VCP: variants seen among roughly 807,000 people sequenced by gnomAD.
VCP encodes transitional endoplasmic reticulum ATPase.
VCP carries 6 observed loss-of-function variants against 85.7 expected under a neutral mutation model. The observed-to-expected ratio is 0.07, with a 90% CI of 0.04 to 0.14. The LOEUF is 0.14. Ranked by LOEUF, VCP falls within the 10% of genes least tolerant of loss-of-function variation. The pLI is 1.00. For synonymous variants in VCP, 384 were observed against 367.1 expected (o/e 1.05, Z -0.53); for missense variants, 353 against 1,043.4 (o/e 0.34, Z 9.12).
chr9:35,069,424 A>T (rs936818703), intron 1 of VCP, among the ~76,000 whole-genome samples: 4 of 144,566 alleles, frequency 2.8e-5, no homozygotes, highest in Non-Finnish European at 4.5e-5. Context: ...CACTTACTAG[A>T]CTCAGCAAGC....
rs1587126066 is a variant in VCP, at chr9:35,064,300, G to A, written c.577-15C>T. On this transcript the variant is annotated splice_polypyrimidine_tract_variant and intron_variant, in intron 5 of 16. Coordinates refer to ENST00000358901, the MANE Select transcript of VCP (RefSeq NM_007126.5). The stretch of plus-strand genomic sequence containing the variant: ...TCTTCCTCATCCTGAATATGGAGGA[G>A]ATAAAGAAAGGAGAAGGCAAGAATA... 1.2e-6 allele frequency: 2 copies of A among 1,613,688 alleles called. No individual in the cohort carries two copies. Among genetic ancestry groups the A allele is most frequent in the Non-Finnish European group, 1.7e-6 (2 of 1,179,962 alleles).
chr9:35,057,863 T>G (rs1828641701), intron 15 of VCP: 1 of 407,216 alleles, frequency 2.5e-6, no homozygotes, highest in African/African-American at 2.0e-5. Context: ...CACACACTTG[T>G]CATAAAGCAT....
At chr9:35,071,502 A>C (rs1001123172) in intron 1 of VCP, among the ~76,000 whole-genome samples, 2 of 152,068 alleles carry the variant, frequency 1.3e-5, no homozygotes, top group Admixed American at 6.5e-5. Flanking sequence ...TGCAACTCTA[A>C]ACTGCACACC....
At chr9:35,065,131 G>A (rs1475734150) in intron 5 of VCP, 120 bp downstream of exon 5, 3 of 1,447,358 alleles carry the variant, frequency 2.1e-6, no homozygotes, top group Non-Finnish European at 2.9e-6. Context: ...GTCTCCCAAA[G>A]TACTGGGATT....
At chr9:35,063,163 A>G in intron 6 of VCP, 83 bp from the exon 7 acceptor site, 1 of 1,232,732 alleles carries the variant, frequency 8.1e-7, no homozygotes, top group Non-Finnish European at 1.2e-6. Context: ...AGAGAGGGTG[A>G]GAATCAGGCT....
In VCP at chr9:35,057,373, T is replaced by C. The variant is rs750659100; in HGVS notation, c.2315+3A>G. 6.2e-7 allele frequency: 1 copy of C among 1,614,102 alleles called. No individual in the cohort carries two copies. Among genetic ancestry groups the C allele is most frequent in the Non-Finnish European group, 8.5e-7 (1 of 1,180,050 alleles). ...CACTGTCTAATGCTCCCAACCAACT[T>C]ACCTGAAGCTGCCAAAGCCCCGACT... is the stretch of plus-strand genomic sequence containing the variant. On this transcript the variant is annotated splice_donor_region_variant and intron_variant, in intron 16 of 16. Transcript: ENST00000358901.
intron 10 of VCP, among the ~76,000 whole-genome samples, 167 bp from the exon 11 acceptor site, chr9:35,061,346 A>T (rs924793084): frequency 3.9e-5 from 6 of 152,140 alleles, no homozygotes; most frequent in African/African-American, 1.4e-4. Flanking sequence ...TTAATTCTGG[A>T]CTTGGGACCT....
intron 1 of VCP, among the ~76,000 whole-genome samples, chr9:35,070,588 C>T (rs772832262): frequency 6.6e-6 from 1 of 152,112 alleles, no homozygotes; most frequent in South Asian, 2.1e-4. Context: ...TGTGCACCAT[C>T]ACCATGCCTG....
At chr9:35,069,429 G>A (rs1380350522) in intron 1 of VCP, among the ~76,000 whole-genome samples, 1 of 143,042 alleles carries the variant, frequency 7.0e-6, no homozygotes, top group Non-Finnish European at 1.5e-5. Flanking sequence ...ACTAGACTCA[G>A]CAAGCTCCCT....
At chr9:35,061,756 G>A (rs990817977) in intron 9 of VCP, 67 bp from the exon 10 acceptor site, 2 of 1,443,996 alleles carry the variant, frequency 1.4e-6, no homozygotes, top group African/African-American at 2.8e-5. Flanking sequence ...CAGGCCTAGG[G>A]TGACCAACCA....
chr9:35,057,089 C>A lies in VCP; in HGVS notation c.*28G>T. ...CCCAGGGAACAAGGTCCAGGCAGGC[C>A]AGCTCACTGCACGCTGGCCACCACC... On this transcript the variant is annotated 3_prime_UTR_variant, in exon 17 of 17. Transcript: ENST00000358901. The A allele has an allele frequency of 6.2e-7, 1 of 1,611,872 alleles. No individual in the cohort carries two copies. The highest frequency in any genetic ancestry group is 8.5e-7 in the Non-Finnish European group (1 of 1,178,462).
intron 12 of VCP, 86 bp downstream of exon 12, chr9:35,060,715 G>C: frequency 6.2e-7 from 1 of 1,609,598 alleles, no homozygotes; most frequent in Non-Finnish European, 8.5e-7. Flanking sequence ...CACAACTCTT[G>C]CAGCAAATGT....
rs753103789 is a variant in VCP, at chr9:35,062,034, G to C, written c.1050C>G (p.Pro350=). ...HVIVMAATNR[P]NSIDPALRRF... is the part of the protein sequence containing the mutation. ...GCCGTAGAGCTGGGTCAATGCTGTTGGGTCTGTTGGTTGCTGCCATAACAA... is the reference window on the plus strand; with the variant it reads ...GCCGTAGAGCTGGGTCAATGCTGTTCGGTCTGTTGGTTGCTGCCATAACAA... Residue 350 remains proline, a synonymous_variant, in exon 9 of 17, where the codon CCC becomes CCG. Transcript: ENST00000358901. 1.2e-6 allele frequency: 2 copies of C among 1,614,164 alleles called. No homozygotes were observed. The highest frequency in any genetic ancestry group is 3.3e-5 in the Admixed American group (2 of 60,020).
At chr9:35,070,060 A>G (rs1828909828) in intron 1 of VCP, among the ~76,000 whole-genome samples, 1 of 152,194 alleles carries the variant, frequency 6.6e-6, no homozygotes, top group Non-Finnish European at 1.5e-5. Context: ...GGGTCCTGAT[A>G]CACCCAAGAG....
rs934886794 is a variant in VCP at position 35,065,147 on chromosome 9, T to A, written c.576+104A>T. 6.4e-6 allele frequency: 10 copies of A among 1,550,420 alleles called. No individual in the cohort carries two copies. The African/African-American group carries it at 1.4e-4, about 21-fold the overall frequency. ...TCTCCCAAAGTACTGGGATTACAGGTGTCAGCCACCGCAGCCGGCCGAGCA... is the reference window on the plus strand; with the variant it reads ...TCTCCCAAAGTACTGGGATTACAGGAGTCAGCCACCGCAGCCGGCCGAGCA... On this transcript the variant is annotated intron_variant, in intron 5 of 16. Transcript: ENST00000358901.
chr9:35,068,734 G>C (rs1828882702), intron 1 of VCP, among the ~76,000 whole-genome samples: 1 of 152,168 alleles, frequency 6.6e-6, no homozygotes, highest in Non-Finnish European at 1.5e-5. Context: ...GAACTCTATA[G>C]TCAGACCCAT....
chr9:35,057,037 T>C lies in VCP; in HGVS notation c.*80A>G. 1 of 1,421,072 alleles carries C rather than the reference T, an allele frequency of 7.0e-7. No homozygotes were observed. Among genetic ancestry groups the C allele is most frequent in the Non-Finnish European group, 9.9e-7 (1 of 1,009,566 alleles). The allele number at this position is 1,421,072 out of a possible 1,614,324, so 88.0% of individuals were successfully genotyped here. ...GAGCAGGCTGTGGGCGCACCCCTGG[T>C]CCCTCTCCTGGGCAAGCGCCCCCAC... On this transcript the variant is annotated 3_prime_UTR_variant, in exon 17 of 17. Coordinates refer to ENST00000358901, the MANE Select transcript of VCP (RefSeq NM_007126.5).
At chr9:35,061,977 G>A in intron 9 of VCP, 26 bp downstream of exon 9, 1 of 1,614,148 alleles carries the variant, frequency 6.2e-7, no homozygotes, top group Non-Finnish European at 8.5e-7. Context: ...AGCAAGGACG[G>A]GGTCAAAAGT....
chr9:35,060,843 C>G lies in VCP; in HGVS notation c.1440G>C (p.Gly480=). 1 of 1,614,164 alleles carries G rather than the reference C, an allele frequency of 6.2e-7. No individual in the cohort carries two copies. Among genetic ancestry groups the G allele is most frequent in the Non-Finnish European group, 8.5e-7 (1 of 1,180,030 alleles). The part of the protein sequence containing the change: ...EVPQVTWEDI[G]GLEDVKRELQ... Reference sequence around the variant, plus strand: ...GCTCACGTTTGACATCCTCTAGGCCCCCGATGTCTTCCCAGGTTACCTGTG... The same window carrying G: ...GCTCACGTTTGACATCCTCTAGGCCGCCGATGTCTTCCCAGGTTACCTGTG... Residue 480 remains glycine (G), a synonymous_variant, in exon 12 of 17, where the codon GGG becomes GGC. Transcript: ENST00000358901.
Sources: gnomAD v4.1 joint callset for allele counts (sites outside exome capture counted in the v4.1 genomes callset) on GRCh38, gnomAD v4.1.1 for gene constraint, MANE v1.5 for transcripts, NCBI Gene and HGNC (gene_info 2026-07-23, HGNC 2026-07-21) for gene names.